The following CACNA1C variants were observed in gnomAD, a reference collection of about 807,000 sequenced individuals.
CACNA1C encodes voltage-dependent L-type calcium channel subunit alpha-1C.
CACNA1C carries 30 observed loss-of-function variants against 229.0 expected under a neutral mutation model. The ratio of observed to expected loss-of-function variants is 0.13; its 90% CI spans 0.10 to 0.18. The LOEUF (loss-of-function observed/expected upper bound fraction) is 0.18, where lower values mean the gene tolerates loss of function less well. Ranked by LOEUF, CACNA1C falls within the 10% of genes least tolerant of loss-of-function variation. The pLI is 1.00. For missense variants in CACNA1C, 1,658 were observed against 2,845.0 expected, an observed-to-expected ratio of 0.58 and a Z score of 9.49; for synonymous variants, 1,114 against 1,132.5, an observed-to-expected ratio of 0.98 and a Z score of 0.33.
intron 5 of CACNA1C, among the ~76,000 whole-genome samples, chr12:2,470,798 G>T (rs976308627): frequency 2.6e-5 from 4 of 152,066 alleles, no homozygotes; most frequent in Non-Finnish European, 5.9e-5. Context: ...TCTACCTCAG[G>T]CTCCAAGTTG....
intron 3 of CACNA1C, among the ~76,000 whole-genome samples, chr12:2,210,111 C>T (rs775573911): frequency 7.9e-5 from 12 of 152,256 alleles, no homozygotes; most frequent in South Asian, 4.1e-4. Flanking sequence ...AGTAAGAAAA[C>T]AAATGTATCT....
In CACNA1C at chr12:2,666,798, G is replaced by A. The variant is rs752646195; in HGVS notation, c.4623+16G>A. On this transcript the variant is annotated intron_variant, in intron 37 of 46. Transcript: ENST00000399655. The surrounding 1 kb of genome is among the most constrained non-coding windows in gnomAD (Gnocchi z 5.3). ...GGCTTGCAAAGTAAGAGATAACGGG[G>A]TTCATGGGAGGGAGAGGGAAAATAG... is the stretch of plus-strand genomic sequence containing the variant. 12 of 1,511,760 alleles carry A rather than the reference G, an allele frequency of 7.9e-6. No individual in the cohort carries two copies. The highest frequency in any genetic ancestry group is 1.7e-4 in the Middle Eastern group (1 of 5,912). 93.6% of individuals were successfully genotyped at this position (1,511,760 alleles called of 1,614,324 possible). A position where few individuals can be genotyped will look rare whatever the true frequency, so the allele number is the denominator to read the frequency against.
At chr12:2,002,200 T>C (rs1000903253) in intron 1 of CACNA1C, among the ~76,000 whole-genome samples, 1 of 152,322 alleles carries the variant, frequency 6.6e-6, no homozygotes, top group Middle Eastern at 3.4e-3. Flanking sequence ...TTCCCCTCCT[T>C]AAGATCCCCC....
chr12:2,232,312 T>C (rs1476441368), intron 3 of CACNA1C, among the ~76,000 whole-genome samples: 5 of 150,486 alleles, frequency 3.3e-5, no homozygotes, highest in African/African-American at 9.8e-5. Flanking sequence ...GGGTCAGTTA[T>C]CATGTAGAAT....
At chr12:2,510,303 C>G (rs1202436480) in intron 8 of CACNA1C, among the ~76,000 whole-genome samples, 1 of 152,178 alleles carries the variant, frequency 6.6e-6, no homozygotes, top group Admixed American at 6.5e-5. Context: ...CCAGCAGATC[C>G]TTTACCGTGG....
rs1232543106 is a variant in CACNA1C at position 2,438,332 on chromosome 12, GTGA to G, written c.478-10639_478-10637del. 3.5e-5 allele frequency among the ~76,000 whole-genome samples: 4 copies of G among 114,888 alleles called. No individual in the cohort carries two copies. The Admixed American group carries it at 3.6e-4, about 10-fold the overall frequency. 75.4% of individuals were successfully genotyped at this position (114,888 alleles called of 152,430 possible). A position where few individuals can be genotyped will look rare whatever the true frequency, so the allele number is the denominator to read the frequency against. On this transcript the variant is annotated intron_variant, in intron 3 of 46. Transcript: ENST00000399655. ...GGTGGTTGTGGTGATGGTGGGGATG[GTGA>G]TGATAATGATGATGGTGGTGGTAAT...
intron 3 of CACNA1C, among the ~76,000 whole-genome samples, chr12:2,127,123 C>A (rs927848713): frequency 4.6e-5 from 7 of 152,170 alleles, no homozygotes; most frequent in Admixed American, 4.6e-4. Context: ...CCCACTCCCC[C>A]ACCCCTGAGC....
intron 3 of CACNA1C, among the ~76,000 whole-genome samples, chr12:2,220,249 A>G (rs760064892): frequency 6.6e-6 from 1 of 152,168 alleles, no homozygotes; most frequent in Non-Finnish European, 1.5e-5. Flanking sequence ...AGCTTAATCC[A>G]TAGCTCTCTG....
intron 15 of CACNA1C, among the ~76,000 whole-genome samples, chr12:2,583,933 T>A (rs183758017): frequency 6.6e-6 from 1 of 152,288 alleles, no homozygotes; most frequent in African/African-American, 2.4e-5. Context: ...TCGTTGATTC[T>A]GCAGTTCTCT....
At chr12:2,673,676 C>G (rs1031937591) in intron 38 of CACNA1C, among the ~76,000 whole-genome samples, 15 of 152,178 alleles carry the variant, frequency 9.9e-5, no homozygotes, top group Non-Finnish European at 2.2e-4. Context: ...TGCTGGCTGA[C>G]AGCTGGGGAC....
At position 2,067,645 on chromosome 12, in the gene CACNA1C, A is replaced by AG. The variant is rs2059882570; in HGVS notation, c.49+14038dup. On this transcript the variant is annotated intron_variant, in intron 1 of 46. Coordinates refer to ENST00000399655, the MANE Select transcript of CACNA1C (RefSeq NM_000719.7). The surrounding 1 kb of genome is among the most constrained non-coding windows in gnomAD (Gnocchi z 5.3). ...GTTTGTGACGTGGATGGAAGGAAGC[A>AG]GGGGATGGGAGGACTGGTGGAGGTG... Among the ~76,000 whole-genome samples the AG allele has an allele frequency of 6.6e-6, 1 of 152,140 alleles. No individual in the cohort carries two copies. The highest frequency in any genetic ancestry group is 1.5e-5 in the Non-Finnish European group (1 of 68,018).
intron 3 of CACNA1C, among the ~76,000 whole-genome samples, chr12:2,327,559 T>G (rs1421318287): frequency 6.6e-6 from 1 of 152,194 alleles, no homozygotes; most frequent in African/African-American, 2.4e-5. Context: ...ACCTCCACAC[T>G]CCATCCATTT....
chr12:2,526,667 G>T (rs987547793), intron 9 of CACNA1C, among the ~76,000 whole-genome samples: 5 of 152,244 alleles, frequency 3.3e-5, no homozygotes. Context: ...GGCAAGAAAC[G>T]TGTTTGCACA....
Position 2,605,180 on chromosome 12 carries a change from G to T in CACNA1C, c.3048+12G>T. On this transcript the variant is annotated intron_variant, in intron 23 of 46. Coordinates refer to ENST00000399655, the MANE Select transcript of CACNA1C (RefSeq NM_000719.7). The surrounding 1 kb of genome is among the most constrained non-coding windows in gnomAD (Gnocchi z 6.2). ...CCAAGGGGCTAAAGGTGAGTTGAGG[G>T]CTTGGGTAGGGAGTCTCCAGCCAGC... The T allele has an allele frequency of 6.3e-7, 1 of 1,587,516 alleles. No individual in the cohort carries two copies. Among genetic ancestry groups the T allele is most frequent in the South Asian group, 1.1e-5 (1 of 90,556 alleles).
At chr12:2,517,287 A>G (rs1227398354) in intron 9 of CACNA1C, among the ~76,000 whole-genome samples, 1 of 152,220 alleles carries the variant, frequency 6.6e-6, no homozygotes, top group Non-Finnish European at 1.5e-5. Context: ...GCTTCCAGCC[A>G]TCTGAAGAGT....
At position 2,181,188 on chromosome 12, in the gene CACNA1C, T is replaced by G. The variant is rs970253091; in HGVS notation, c.477+60758T>G. 1.3e-5 allele frequency among the ~76,000 whole-genome samples: 2 copies of G among 152,282 alleles called. No homozygotes were observed. The highest frequency in any genetic ancestry group is 2.9e-5 in the Non-Finnish European group (2 of 68,016). On this transcript the variant is annotated intron_variant, in intron 3 of 46. Coordinates refer to ENST00000399655, the MANE Select transcript of CACNA1C (RefSeq NM_000719.7). This position sits in a 1 kb window ranked among gnomAD's most constrained non-coding sequence, Gnocchi z 4.0. ...CCGTGACGGCGGTAACAATGATCAT[T>G]ACTACCTCTGTTATTTCCTGTAGCC... is the stretch of plus-strand genomic sequence containing the variant.
At chr12:2,450,674 C>A (rs140524321) in intron 4 of CACNA1C, among the ~76,000 whole-genome samples, 25 of 151,078 alleles carry the variant, frequency 1.7e-4, no homozygotes, top group Middle Eastern at 6.8e-3. Flanking sequence ...TTCCTTTGGG[C>A]TAATCCCTTG....
At chr12:2,405,060 G>A (rs1299228057) in intron 3 of CACNA1C, among the ~76,000 whole-genome samples, 1 of 152,202 alleles carries the variant, frequency 6.6e-6, no homozygotes, top group Non-Finnish European at 1.5e-5. Context: ...CTCCTTCGAG[G>A]ATAACTCGGC....
intron 5 of CACNA1C, among the ~76,000 whole-genome samples, chr12:2,464,815 C>T (rs557168695): frequency 2.3e-4 from 35 of 152,302 alleles, no homozygotes; most frequent in African/African-American, 8.4e-4. Context: ...AGGTCAGAAG[C>T]TTCAATTTTT....
Sources: gnomAD v4.1 joint callset for allele counts (sites outside exome capture counted in the v4.1 genomes callset) on GRCh38, gnomAD v4.1.1 for gene constraint, Gnocchi (gnomAD v3.1) non-coding constraint, MANE v1.5 for transcripts, NCBI Gene and HGNC (gene_info 2026-07-23, HGNC 2026-07-21) for gene names.